The following RAD51B variants were observed in gnomAD, a reference collection of about 807,000 sequenced individuals.
RAD51B encodes the protein DNA repair protein RAD51 homolog 2.
A neutral mutation model predicts 42.2 loss-of-function variants in RAD51B; 38 were observed. The observed-to-expected ratio is 0.90, with a 90% CI of 0.70 to 1.18. RAD51B has a LOEUF of 1.18. Among genes scored for constraint, RAD51B ranks in the 50% most tolerant of loss-of-function variants. The pLI, the probability that RAD51B is intolerant of heterozygous loss-of-function variation, is 0.00. For missense variants in RAD51B, 373 were observed against 400.7 expected (o/e 0.93, Z 0.59); for synonymous variants, 154 against 145.2 (o/e 1.06, Z -0.43).
chr14:68,477,623 T>C, intron 10 of RAD51B, 25 bp from the exon 11 acceptor site: 1 of 1,599,790 alleles, frequency 6.3e-7, no homozygotes. Flanking sequence ...TTTCAAACTT[T>C]CTCTTTTTTT....
chr14:68,398,321 A>G (rs2083986952), intron 8 of RAD51B, among the ~76,000 whole-genome samples: 2 of 152,186 alleles, frequency 1.3e-5, no homozygotes, highest in South Asian at 4.1e-4. Context: ...GGAGTTTTCA[A>G]AGCACCTCAG....
At chr14:68,366,554 G>A (rs1454614879) in intron 8 of RAD51B, among the ~76,000 whole-genome samples, 2 of 152,230 alleles carry the variant, frequency 1.3e-5, no homozygotes, top group African/African-American at 4.8e-5. Flanking sequence ...AAGCAGCCTT[G>A]AAGGCTCATC....
intron 7 of RAD51B, chr14:68,125,082 G>A (rs2077729139): frequency 6.6e-6 from 1 of 152,156 alleles, no homozygotes; most frequent in East Asian, 1.9e-4. Context: ...GGAGTCATAT[G>A]CTTTATGGTG....
At chr14:68,626,156 C>T (rs1892076140) in intron 10 of RAD51B, among the ~76,000 whole-genome samples, 1 of 152,202 alleles carries the variant, frequency 6.6e-6, no homozygotes, top group Admixed American at 6.5e-5. Context: ...AGGTGTCCAC[C>T]ATCGGGCTGA....
At chr14:68,097,844 G>A (rs2077220971) in intron 7 of RAD51B, among the ~76,000 whole-genome samples, 1 of 152,098 alleles carries the variant, frequency 6.6e-6, no homozygotes, top group South Asian at 2.1e-4. Flanking sequence ...ATTTAGTTTA[G>A]TGCCAAGGCC....
intron 7 of RAD51B, among the ~76,000 whole-genome samples, chr14:68,148,756 A>G: frequency 6.6e-6 from 1 of 152,170 alleles, no homozygotes; most frequent in Admixed American, 6.5e-5. Flanking sequence ...ACTCTTCAAT[A>G]AATTGTATGA....
chr14:68,519,566 C>T (rs1886424138), intron 10 of RAD51B, among the ~76,000 whole-genome samples: 1 of 152,198 alleles, frequency 6.6e-6, no homozygotes, highest in Non-Finnish European at 1.5e-5. Context: ...ATTTTGGGGT[C>T]TCAGCTACCC....
chr14:68,546,189 A>T (rs1270823615), intron 10 of RAD51B, among the ~76,000 whole-genome samples: 3 of 152,200 alleles, frequency 2.0e-5, no homozygotes, highest in African/African-American at 4.8e-5. Context: ...ATGGAGGGAC[A>T]TCCAAGGTTG....
At chr14:68,655,499 G>A (rs953592079) in intron 11 of RAD51B, among the ~76,000 whole-genome samples, 7 of 152,138 alleles carry the variant, frequency 4.6e-5, no homozygotes, top group African/African-American at 7.2e-5. Flanking sequence ...TGAGGACGGC[G>A]GATGAATTGC....
intron 10 of RAD51B, among the ~76,000 whole-genome samples, chr14:68,648,137 A>ATATATATACACACACG (rs1892619782): frequency 8.4e-6 from 1 of 119,470 alleles, no homozygotes; most frequent in Non-Finnish European, 1.8e-5. Flanking sequence ...ACACACGTAT[A>ATATATATACACACACG]TATATATATA....
intron 7 of RAD51B, among the ~76,000 whole-genome samples, chr14:68,049,569 G>A (rs1001140709): frequency 5.3e-5 from 8 of 152,102 alleles, no homozygotes; most frequent in African/African-American, 1.4e-4. Context: ...GTTTTTCTCC[G>A]AGTTGCTCGT....
chr14:68,415,999 A>T (rs926588330), intron 9 of RAD51B, among the ~76,000 whole-genome samples: 2 of 152,152 alleles, frequency 1.3e-5, no homozygotes, highest in Admixed American at 1.3e-4. Flanking sequence ...ATTTAAATGA[A>T]CTTTCTAATA....
intron 9 of RAD51B, among the ~76,000 whole-genome samples, chr14:68,442,675 G>A (rs1401371164): frequency 6.6e-6 from 1 of 151,836 alleles, no homozygotes; most frequent in Non-Finnish European, 1.5e-5. Flanking sequence ...TCTTGAGCTT[G>A]TGATCCGCCC....
At chr14:68,135,162 T>G (rs956961648) in intron 7 of RAD51B, among the ~76,000 whole-genome samples, 11 of 152,202 alleles carry the variant, frequency 7.2e-5, no homozygotes, top group African/African-American at 2.4e-4. Flanking sequence ...TACTCTATTC[T>G]AATACCTGCT....
chr14:68,154,486 T>C (rs762462562), intron 7 of RAD51B, among the ~76,000 whole-genome samples: 2 of 152,326 alleles, frequency 1.3e-5, no homozygotes, highest in African/African-American at 2.4e-5. Context: ...TTTCCTTACA[T>C]GCATGCACTA....
chr14:68,181,921 C>A (rs2079067678), intron 7 of RAD51B, among the ~76,000 whole-genome samples: 1 of 152,226 alleles, frequency 6.6e-6, no homozygotes, highest in Admixed American at 6.5e-5. Context: ...ATAATTTCAA[C>A]TGGCTTTAAG....
chr14:68,666,840 G>A (rs779395922), intron 11 of RAD51B, among the ~76,000 whole-genome samples: 23 of 152,122 alleles, frequency 1.5e-4, no homozygotes, highest in Non-Finnish European at 7.4e-5. Flanking sequence ...GTTCTCCAGA[G>A]AAACAGAACC....
intron 7 of RAD51B, among the ~76,000 whole-genome samples, chr14:68,096,455 T>C (rs2077196605): frequency 6.6e-6 from 1 of 152,338 alleles, no homozygotes; most frequent in Non-Finnish European, 1.5e-5. Context: ...ACTCAGCTGC[T>C]TTTACCTCTT....
At chr14:68,154,419 T>G (rs1232842794) in intron 7 of RAD51B, among the ~76,000 whole-genome samples, 1 of 152,242 alleles carries the variant, frequency 6.6e-6, no homozygotes. Context: ...CCTGTATGAG[T>G]GCCAGGCACT....
Sources: allele counts gnomAD v4.1 joint callset (sites outside exome capture counted in the v4.1 genomes callset), GRCh38; gene constraint gnomAD v4.1.1; transcripts MANE v1.5; gene names NCBI Gene and HGNC (gene_info 2026-07-23, HGNC 2026-07-21).